The following APC variants were observed in gnomAD, a reference collection of about 807,000 sequenced individuals.
APC encodes APC regulator of Wnt signaling pathway.
APC carries 72 observed loss-of-function variants against 247.0 expected under a neutral mutation model. The ratio of observed to expected loss-of-function variants is 0.29; its 90% CI spans 0.24 to 0.35. The LOEUF (loss-of-function observed/expected upper bound fraction) is 0.35, where lower values mean the gene tolerates loss of function less well. Among genes scored for constraint, APC ranks in the 10% least tolerant of loss-of-function variants. The pLI is 1.00. For synonymous variants in APC, 1,254 were observed against 1,162.5 expected (o/e 1.08, Z -1.60); for missense variants, 3,400 against 3,360.7 (o/e 1.01, Z -0.29).
rs777748272 is a variant in APC at position 112,838,059 on chromosome 5, T to C, written c.2465T>C (p.Leu822Pro). Residue 822 changes from leucine (L) to proline (P), a missense_variant, in exon 16 of 16, where the codon CTT (leucine) becomes CCT (proline). Leu to Pro is a moderately conservative substitution (Grantham distance 98). Transcript: ENST00000257430. ...TTTAATACTGGCAACATGACTGTCC[T>C]TTCACCATATTTGAATACTACAGTG... Reference protein sequence around the residue: ...DNFNTGNMTVLSPYLNTTVLP... With the variant: ...DNFNTGNMTVPSPYLNTTVLP... 5.6e-6 allele frequency: 9 copies of C among 1,614,072 alleles called. No homozygotes were observed. The African/African-American group carries it at 1.1e-4, about 19-fold the overall frequency.
At chr5:112,814,978 G>C (rs1252929666) in intron 8 of APC, among the ~76,000 whole-genome samples, 4 of 152,114 alleles carry the variant, frequency 2.6e-5, no homozygotes, top group Non-Finnish European at 4.4e-5. Flanking sequence ...TCAGTGTTTT[G>C]TTCATTCTTC....
At chr5:112,738,820 G>C (rs188569924) in intron 1 of APC, among the ~76,000 whole-genome samples, 145 of 152,338 alleles carry the variant, frequency 9.5e-4, no homozygotes, top group South Asian at 1.7e-3. Context: ...TTTGTCATTG[G>C]AATGTATTGG....
At position 112,775,747 on chromosome 5, in the gene APC, T is replaced by C. The variant is rs2149616465; in HGVS notation, c.531+10T>C. 1 of 1,426,508 alleles carries C rather than the reference T, an allele frequency of 7.0e-7. No individual in the cohort carries two copies. Among genetic ancestry groups the C allele is most frequent in the Non-Finnish European group, 9.8e-7 (1 of 1,024,692 alleles). The allele number at this position is 1,426,508 out of a possible 1,614,324, so 88.4% of individuals were successfully genotyped here. A position where few individuals can be genotyped will look rare whatever the true frequency, so the allele number is the denominator to read the frequency against. On this transcript the variant is annotated intron_variant, in intron 5 of 15. Coordinates refer to ENST00000257430, the MANE Select transcript of APC (RefSeq NM_000038.6). Reference sequence around the variant, plus strand: ...TCCTTTAACTGAAAATGTAAGTAACTTGGCAGTACAACTTATTTGAAACTT... The same window carrying C: ...TCCTTTAACTGAAAATGTAAGTAACCTGGCAGTACAACTTATTTGAAACTT...
chr5:112,737,312 C>G (rs965963953), upstream of APC, among the ~76,000 whole-genome samples: 20 of 152,196 alleles, frequency 1.3e-4, no homozygotes, highest in African/African-American at 4.6e-4. Flanking sequence ...AAAGCTTCAA[C>G]TCAGGCAACC....
chr5:112,818,998 T>C lies in APC; in HGVS notation c.966T>C (p.Leu322=), dbSNP rs2149779095. The change falls in exon 10 of 16, where the codon CTT becomes CTC. Residue 322 remains leucine (L), a synonymous_variant. Coordinates refer to ENST00000257430, the MANE Select transcript of APC (RefSeq NM_000038.6). ...TGGTGTATTCATTGTTGTCAATGCTTGGTACTCATGATAAGGATGATATGT... is the reference window on the plus strand; with the variant it reads ...TGGTGTATTCATTGTTGTCAATGCTCGGTACTCATGATAAGGATGATATGT... ...VEMVYSLLSM[L]GTHDKDDMSR... 6.2e-7 allele frequency: 1 copy of C among 1,614,098 alleles called. No individual in the cohort carries two copies. Among genetic ancestry groups the C allele is most frequent in the Non-Finnish European group, 8.5e-7 (1 of 1,179,976 alleles).
intron 1 of APC, among the ~76,000 whole-genome samples, chr5:112,710,421 A>G (rs1750781406): frequency 1.3e-5 from 2 of 152,160 alleles, no homozygotes; most frequent in African/African-American, 4.8e-5. Flanking sequence ...TCTCAGAGGA[A>G]GAAATGACCT....
chr5:112,728,047 TA>T (rs749492093), intron 1 of APC, among the ~76,000 whole-genome samples: 2 of 152,144 alleles, frequency 1.3e-5, no homozygotes, highest in Non-Finnish European at 2.9e-5. Flanking sequence ...CACAAATTCA[TA>T]AACTGTCTTA....
rs1373027479 is a variant in APC, at chr5:112,838,443, C to T, written c.2849C>T (p.Pro950Leu). 1.2e-6 allele frequency: 2 copies of T among 1,614,006 alleles called. No individual in the cohort carries two copies. Among genetic ancestry groups the T allele is most frequent in the East Asian group, 2.2e-5 (1 of 44,888 alleles). ...AATTCAAATAGGACATGTTCTATGC[C>T]TTATGCCAAATTAGAATACAAGAGA... ...SENSNRTCSMPYAKLEYKRSS... is the reference protein window; with the variant it reads ...SENSNRTCSMLYAKLEYKRSS... Residue 950 changes from proline to leucine, a missense_variant, in exon 16 of 16, where the codon CCT (proline) becomes CTT (leucine). Transcript: ENST00000257430.
chr5:112,767,042 A>G, intron 3 of APC, 147 bp from the exon 4 acceptor site: 1 of 724,524 alleles, frequency 1.4e-6, no homozygotes, highest in Non-Finnish European at 2.3e-6. Flanking sequence ...TTTTCAGGGA[A>G]AGTCCTAAAT....
intron 6 of APC, among the ~76,000 whole-genome samples, chr5:112,789,268 C>T (rs1052651973): frequency 6.6e-6 from 1 of 152,080 alleles, no homozygotes; most frequent in East Asian, 1.9e-4. Context: ...TCCAAAAATC[C>T]AAATTGTGAA....
intron 11 of APC, among the ~76,000 whole-genome samples, chr5:112,824,364 T>C (rs1307578766): frequency 1.3e-5 from 2 of 152,258 alleles, no homozygotes; most frequent in African/African-American, 4.8e-5. Flanking sequence ...TGAATTCTAT[T>C]CTGTGCCTCA....
chr5:112,762,137 T>C (rs1755741544), intron 2 of APC, among the ~76,000 whole-genome samples: 1 of 152,158 alleles, frequency 6.6e-6, no homozygotes, highest in South Asian at 2.1e-4. Flanking sequence ...GATAAGTCCA[T>C]GAAAAGGGAT....
chr5:112,736,148 T>C (rs1752369162), upstream of APC, among the ~76,000 whole-genome samples: 1 of 152,232 alleles, frequency 6.6e-6, no homozygotes, highest in Non-Finnish European at 1.5e-5. Context: ...GTGCAGTGAA[T>C]CATGTGCTTT....
chr5:112,770,173 C>T (rs998788213), intron 4 of APC, among the ~76,000 whole-genome samples: 7 of 152,158 alleles, frequency 4.6e-5, no homozygotes, highest in Non-Finnish European at 7.4e-5. Flanking sequence ...CTAACAAATA[C>T]AGCTGTAAGT....
At chr5:112,761,390 A>C (rs1041807742) in intron 2 of APC, among the ~76,000 whole-genome samples, 2 of 152,254 alleles carry the variant, frequency 1.3e-5, no homozygotes, top group Admixed American at 6.5e-5. Context: ...TCTTGAAAAA[A>C]AGAAAAATGA....
chr5:112,759,541 A>T (rs575275039), intron 2 of APC, among the ~76,000 whole-genome samples: 1 of 151,916 alleles, frequency 6.6e-6, no homozygotes, highest in East Asian at 1.9e-4. Flanking sequence ...TATTTTTAGT[A>T]GAGATGGGGT....
intron 2 of APC, among the ~76,000 whole-genome samples, chr5:112,762,840 A>T (rs1185932880): frequency 6.6e-6 from 1 of 152,178 alleles, no homozygotes; most frequent in African/African-American, 2.4e-5. Context: ...AACAGGAAAA[A>T]AATTACTTGA....
chr5:112,774,530 A>C (rs1757393217), intron 4 of APC, among the ~76,000 whole-genome samples: 1 of 138,906 alleles, frequency 7.2e-6, no homozygotes, highest in Non-Finnish European at 1.5e-5. Context: ...GTATGATCTC[A>C]GCTCACTGCA....
intron 11 of APC, among the ~76,000 whole-genome samples, chr5:112,824,561 C>T (rs1296851431): frequency 6.6e-6 from 1 of 152,090 alleles, no homozygotes; most frequent in Non-Finnish European, 1.5e-5. Flanking sequence ...TTTTTCCATA[C>T]AAGAGTACTC....
Sources: allele counts gnomAD v4.1 joint callset (sites outside exome capture counted in the v4.1 genomes callset), GRCh38; gene constraint gnomAD v4.1.1; transcripts MANE v1.5; gene names NCBI Gene and HGNC (gene_info 2026-07-23, HGNC 2026-07-21).